CCDC63: variants seen among roughly 807,000 people sequenced by gnomAD.
The protein encoded by CCDC63 is coiled-coil domain-containing protein 63.
CCDC63 carries 54 observed loss-of-function variants against 63.6 expected under a neutral mutation model. The ratio of observed to expected loss-of-function variants is 0.85; its 90% CI spans 0.68 to 1.07. The LOEUF is 1.07. Among genes scored for constraint, CCDC63 ranks in the 50% least tolerant of loss-of-function variants. The pLI is 0.00. For missense variants in CCDC63, 637 were observed against 689.6 expected (o/e 0.92, Z 0.86); for synonymous variants, 253 against 266.1 (o/e 0.95, Z 0.48).
chr12:110,871,158 T>C (rs1486389970), intron 4 of CCDC63, among the ~76,000 whole-genome samples: 3 of 152,192 alleles, frequency 2.0e-5, no homozygotes, highest in Non-Finnish European at 2.9e-5. Context: ...TTTATTTTTT[T>C]TGAGACAGAG....
At chr12:110,883,896 T>C in intron 7 of CCDC63, 134 bp from the exon 8 acceptor site, 1 of 735,578 alleles carries the variant, frequency 1.4e-6, no homozygotes, top group Non-Finnish European at 2.4e-6. Flanking sequence ...TGCCTCGGCT[T>C]CCCAAAGTGT....
At chr12:110,885,618 T>C (rs537114812) in intron 8 of CCDC63, among the ~76,000 whole-genome samples, 93 of 152,320 alleles carry the variant, frequency 6.1e-4, no homozygotes, top group Non-Finnish European at 1.1e-3. Flanking sequence ...CTTCCCGTGC[T>C]ATTCCCTCTC....
chr12:110,870,284 G>A (rs1393711911), intron 4 of CCDC63, among the ~76,000 whole-genome samples: 1 of 152,160 alleles, frequency 6.6e-6, no homozygotes, highest in Non-Finnish European at 1.5e-5. Flanking sequence ...GTTTCACCAT[G>A]TTGGCCAGGC....
chr12:110,883,435 G>A (rs770685654), intron 7 of CCDC63, among the ~76,000 whole-genome samples: 26 of 152,194 alleles, frequency 1.7e-4, no homozygotes, highest in Non-Finnish European at 3.4e-4. Flanking sequence ...ACAGGTGTGA[G>A]CTACCATGCC....
At chr12:110,880,188 T>C in intron 6 of CCDC63, 101 bp downstream of exon 6, 1 of 1,008,336 alleles carries the variant, frequency 9.9e-7, no homozygotes, top group South Asian at 1.5e-5. Context: ...CGTTATGTGT[T>C]GGGGAATCTT....
chr12:110,893,222 G>C (rs189485240), intron 9 of CCDC63, 72 bp downstream of exon 9: 3 of 1,273,456 alleles, frequency 2.4e-6, no homozygotes, highest in African/African-American at 1.5e-5. Flanking sequence ...GGGAGCTTCT[G>C]TCTGTCTGTC....
chr12:110,879,778 C>G (rs1226555253), intron 5 of CCDC63, 128 bp from the exon 6 acceptor site: 51 of 872,992 alleles, frequency 5.8e-5, no homozygotes, highest in Non-Finnish European at 4.0e-5. Flanking sequence ...GCCTACTGCT[C>G]CAACCACTCC....
At chr12:110,864,333 TG>T (rs1176854669) in intron 4 of CCDC63, among the ~76,000 whole-genome samples, 3 of 151,906 alleles carry the variant, frequency 2.0e-5, no homozygotes, top group Non-Finnish European at 4.4e-5. Flanking sequence ...CACAGTTGCC[TG>T]TGGTCAAGTT....
chr12:110,904,531 GTGC>G, intron 10 of CCDC63, 54 bp from the exon 11 acceptor site: 1 of 1,514,224 alleles, frequency 6.6e-7, no homozygotes, highest in Non-Finnish European at 9.2e-7. Flanking sequence ...ACCACCCACA[GTGC>G]CCCCAGGCCC....
chr12:110,891,279 C>T (rs2071353217), intron 8 of CCDC63, among the ~76,000 whole-genome samples: 2 of 151,590 alleles, frequency 1.3e-5, no homozygotes, highest in Admixed American at 1.3e-4. Context: ...CCACTGCACT[C>T]CAGCCTGGGC....
At chr12:110,899,204 T>G in intron 10 of CCDC63, 79 bp downstream of exon 10, 8 of 1,306,712 alleles carry the variant, frequency 6.1e-6, no homozygotes, top group Non-Finnish European at 8.4e-6. Context: ...GCCTTGCTCT[T>G]ATGGAGTAGT....
intron 11 of CCDC63, 136 bp downstream of exon 11, chr12:110,904,927 C>A: frequency 1.7e-6 from 1 of 596,804 alleles, no homozygotes; most frequent in South Asian, 2.9e-5. Flanking sequence ...CTCTTGTGGC[C>A]TGCCAGTTCC....
chr12:110,876,175 G>T (rs1354471414), intron 5 of CCDC63, among the ~76,000 whole-genome samples: 1 of 151,594 alleles, frequency 6.6e-6, no homozygotes, highest in Non-Finnish European at 1.5e-5. Flanking sequence ...GTACCCCATG[G>T]TCCTAAATAT....
intron 4 of CCDC63, among the ~76,000 whole-genome samples, chr12:110,867,502 A>G: frequency 1.1e-5 from 1 of 94,046 alleles, no homozygotes; most frequent in African/African-American, 4.7e-5. Flanking sequence ...CACCTCCGGG[A>G]TGGGGCGGCT....
At chr12:110,905,267 C>A (rs545046753) in intron 11 of CCDC63, among the ~76,000 whole-genome samples, 2 of 152,152 alleles carry the variant, frequency 1.3e-5, no homozygotes, top group East Asian at 3.9e-4. Context: ...CCTAACCCCA[C>A]GGTTGAAGCA....
chr12:110,876,741 A>T (rs2071135204), intron 5 of CCDC63, among the ~76,000 whole-genome samples: 4 of 150,824 alleles, frequency 2.7e-5, no homozygotes, highest in Non-Finnish European at 5.9e-5. Flanking sequence ...TAATTTTATT[A>T]AAAAAAAATA....
intron 4 of CCDC63, among the ~76,000 whole-genome samples, chr12:110,872,100 G>A (rs1160496162): frequency 2.0e-5 from 3 of 152,170 alleles, no homozygotes; most frequent in South Asian, 2.1e-4. Flanking sequence ...ATACGTGAAT[G>A]TCCTCATCTG....
intron 9 of CCDC63, among the ~76,000 whole-genome samples, chr12:110,897,434 A>C (rs2071427693): frequency 6.6e-6 from 1 of 151,868 alleles, no homozygotes; most frequent in Non-Finnish European, 1.5e-5. Context: ...CAAAATTAAA[A>C]AAAAACCCAA....
chr12:110,847,812 C>T, intron 1 of CCDC63, among the ~76,000 whole-genome samples: 1 of 152,154 alleles, frequency 6.6e-6, no homozygotes, highest in East Asian at 1.9e-4. Flanking sequence ...CGGGGGCAGG[C>T]TTGTCTTTTA....
Sources: gnomAD v4.1 joint callset for allele counts (sites outside exome capture counted in the v4.1 genomes callset) on GRCh38, gnomAD v4.1.1 for gene constraint, MANE v1.5 for transcripts, NCBI Gene and HGNC (gene_info 2026-07-23, HGNC 2026-07-21) for gene names.